PTPDC1: variants seen among roughly 807,000 people sequenced by gnomAD.
The protein encoded by PTPDC1 is protein tyrosine phosphatase domain containing 1.
In PTPDC1, 53 loss-of-function variants were observed where a neutral mutation model predicts 75.3. The ratio of observed to expected loss-of-function variants is 0.70; its 90% confidence interval spans 0.56 to 0.88. The LOEUF (loss-of-function observed/expected upper bound fraction) is 0.88. Among genes scored for constraint, PTPDC1 ranks in the 40% least tolerant of loss-of-function variants. The probability of loss-of-function intolerance (pLI) is 0.00; values close to 1 mark genes in which losing one functional copy is unlikely to be tolerated. For synonymous variants in PTPDC1, 349 were observed against 366.2 expected, an observed-to-expected ratio of 0.95 and a Z score of 0.54; for missense variants, 925 against 998.6, an observed-to-expected ratio of 0.93 and a Z score of 0.99.
At chr9:94,039,853 G>T (rs927505470) in intron 1 of PTPDC1, among the ~76,000 whole-genome samples, 2 of 152,128 alleles carry the variant, frequency 1.3e-5, no homozygotes, top group Admixed American at 6.5e-5. Flanking sequence ...TTAATCTATA[G>T]TAGATTCTGT....
At chr9:94,051,262 C>A (rs1587848484) in intron 1 of PTPDC1, among the ~76,000 whole-genome samples, 1 of 152,146 alleles carries the variant, frequency 6.6e-6, no homozygotes, top group Non-Finnish European at 1.5e-5. Flanking sequence ...GAACCCAGTA[C>A]CTCAGTTGGA....
intron 2 of PTPDC1, among the ~76,000 whole-genome samples, chr9:94,072,269 G>A (rs960224920): frequency 1.6e-4 from 25 of 152,208 alleles, no homozygotes; most frequent in Non-Finnish European, 3.4e-4. Context: ...GCCTTGCAAA[G>A]TGCTGGGATT....
chr9:94,047,892 C>A (rs1345876211), intron 1 of PTPDC1, among the ~76,000 whole-genome samples: 1 of 152,140 alleles, frequency 6.6e-6, no homozygotes, highest in African/African-American at 2.4e-5. Context: ...TCTGAATAGA[C>A]CAATTACAGG....
chr9:94,089,083 T>A (rs1302488983), intron 4 of PTPDC1, among the ~76,000 whole-genome samples: 5 of 129,404 alleles, frequency 3.9e-5, no homozygotes, highest in East Asian at 2.7e-4. Flanking sequence ...TTTTTTTTAA[T>A]TTTTTTTTAT....
rs1162071559 is a variant in PTPDC1, at chr9:94,084,666, GGCTCTGCCACGAA to G, written c.140_152del (p.Ser47CysfsTer9). On this transcript the variant is annotated frameshift_variant, in exon 1 of 9. Transcript: ENST00000620992. LOFTEE classifies it high-confidence loss of function. ...CCGGCGGGGCTCTGGCTTGGGCTCC[GGCTCTGCCACGAA>G]GCTGCTGTCCTCGTCCTCTCTCCAG... 3.7e-6 allele frequency: 6 copies of G among 1,613,522 alleles called. No individual in the cohort carries two copies. In the African/African-American group the frequency reaches 8.0e-5, roughly 22 times the overall value.
At chr9:94,070,427 C>G (rs1293339119) in intron 2 of PTPDC1, among the ~76,000 whole-genome samples, 1 of 152,142 alleles carries the variant, frequency 6.6e-6, no homozygotes, top group Non-Finnish European at 1.5e-5. Context: ...GGCTCTTTCT[C>G]TTTGATTATA....
intron 8 of PTPDC1, 82 bp from the exon 9 acceptor site, chr9:94,107,746 C>A: frequency 1.6e-6 from 1 of 634,798 alleles, no homozygotes; most frequent in Non-Finnish European, 2.6e-6. Flanking sequence ...TGTTTTTTTT[C>A]TCCACCCCCT....
chr9:94,076,231 C>T (rs756593726), intron 2 of PTPDC1, among the ~76,000 whole-genome samples: 20 of 152,098 alleles, frequency 1.3e-4, no homozygotes, highest in African/African-American at 4.3e-4. Context: ...CTCTAACTCC[C>T]GGCCTCAGGT....
chr9:94,087,612 G>C (rs1827122371), intron 2 of PTPDC1, among the ~76,000 whole-genome samples: 1 of 152,212 alleles, frequency 6.6e-6, no homozygotes, highest in Admixed American at 6.5e-5. Context: ...GAAAACGGTT[G>C]AGAGCAAACA....
intron 4 of PTPDC1, among the ~76,000 whole-genome samples, chr9:94,092,941 A>G (rs1827383960): frequency 6.6e-6 from 1 of 150,566 alleles, no homozygotes; most frequent in Non-Finnish European, 1.5e-5. Flanking sequence ...GGCTTGGTAG[A>G]TCTTCCTCCA....
chr9:94,038,342 G>T, intron 1 of PTPDC1: 1 of 590,218 alleles, frequency 1.7e-6, no homozygotes, highest in Non-Finnish European at 3.1e-6. Context: ...CTACTAGTGA[G>T]TAATTATTGA....
chr9:94,091,941 A>AT (rs1295304807), intron 4 of PTPDC1, among the ~76,000 whole-genome samples: 9 of 150,868 alleles, frequency 6.0e-5, no homozygotes, highest in Non-Finnish European at 1.2e-4. Context: ...CCCCTTTATC[A>AT]TTTTTTATTG....
intron 1 of PTPDC1, among the ~76,000 whole-genome samples, chr9:94,041,995 A>C (rs996984455): frequency 6.6e-6 from 1 of 152,126 alleles, no homozygotes; most frequent in Non-Finnish European, 1.5e-5. Context: ...TTTACTCATC[A>C]GTGTCTATAT....
At chr9:94,047,358 A>G (rs953715273) in intron 1 of PTPDC1, among the ~76,000 whole-genome samples, 2 of 152,210 alleles carry the variant, frequency 1.3e-5, no homozygotes, top group Non-Finnish European at 2.9e-5. Flanking sequence ...TGCTGGCCTC[A>G]TAAAATGAGT....
At chr9:94,055,584 G>T (rs1825908454) in intron 1 of PTPDC1, among the ~76,000 whole-genome samples, 1 of 152,194 alleles carries the variant, frequency 6.6e-6, no homozygotes, top group Non-Finnish European at 1.5e-5. Flanking sequence ...TCCAGTGAAA[G>T]AAATCAATCT....
chr9:94,087,755 C>A, intron 2 of PTPDC1, 76 bp from the exon 3 acceptor site: 2 of 967,844 alleles, frequency 2.1e-6, no homozygotes, highest in Non-Finnish European at 3.2e-6. Context: ...AATCATCTCT[C>A]AGGACTGGAA....
chr9:94,080,286 C>T (rs1438809561), upstream of PTPDC1, among the ~76,000 whole-genome samples: 5 of 152,090 alleles, frequency 3.3e-5, no homozygotes, highest in Non-Finnish European at 7.4e-5. Context: ...TTACTGTGCC[C>T]AGGCTTCTCA....
rs1827637480 is a variant in PTPDC1 at position 94,097,539 on chromosome 9, CGTCA to C, written c.974_977del (p.Arg325LeufsTer11). On this transcript the variant is annotated frameshift_variant, in exon 6 of 9. Coordinates refer to ENST00000620992, the MANE Select transcript of PTPDC1 (RefSeq NM_001253829.2). LOFTEE classifies it high-confidence loss of function. ...CTTACCTCAATATCTAATTCGCCAG[CGTCA>C]TCTGCTTCATGGTTATGAGGCACGA... 1 of 1,613,996 alleles carries C rather than the reference CGTCA, an allele frequency of 6.2e-7. No homozygotes were observed. Among genetic ancestry groups the C allele is most frequent in the Non-Finnish European group, 8.5e-7 (1 of 1,180,054 alleles).
At chr9:94,073,092 T>TCAA (rs1826569418) in intron 2 of PTPDC1, among the ~76,000 whole-genome samples, 1 of 152,218 alleles carries the variant, frequency 6.6e-6, no homozygotes, top group Admixed American at 6.5e-5. Context: ...GGAAAATTGG[T>TCAA]GCCCATTCTT....
Sources: gnomAD v4.1 joint callset for allele counts (sites outside exome capture counted in the v4.1 genomes callset) on GRCh38, gnomAD v4.1.1 for gene constraint, MANE v1.5 for transcripts, NCBI Gene and HGNC (gene_info 2026-07-23, HGNC 2026-07-21) for gene names.